IKZF1: variants seen among roughly 807,000 people sequenced by gnomAD.
The protein encoded by IKZF1 is IKAROS family zinc finger 1, also known as DNA-binding protein Ikaros.
In IKZF1, 10 loss-of-function variants were observed where a neutral mutation model predicts 51.7. The ratio of observed to expected loss-of-function variants is 0.19; its 90% CI spans 0.12 to 0.33. The LOEUF (loss-of-function observed/expected upper bound fraction) is 0.33. IKZF1 is among the 10% of genes least tolerant of loss of function. The probability of loss-of-function intolerance (pLI) is 1.00; values close to 1 mark genes in which losing one functional copy is unlikely to be tolerated. For missense variants in IKZF1, 484 were observed against 707.5 expected (o/e 0.68, Z 3.58); for synonymous variants, 280 against 282.3 (o/e 0.99, Z 0.08).
intron 3 of IKZF1, among the ~76,000 whole-genome samples, chr7:50,329,957 G>T (rs1018621960): frequency 6.6e-6 from 1 of 152,218 alleles, no homozygotes; most frequent in Admixed American, 6.5e-5. Context: ...AATAGCACAC[G>T]TGCCTTCAAA....
At chr7:50,342,275 A>G (rs1196151152) in intron 3 of IKZF1, among the ~76,000 whole-genome samples, 1 of 152,260 alleles carries the variant, frequency 6.6e-6, no homozygotes, top group Non-Finnish European at 1.5e-5. Flanking sequence ...TAACGAGAAT[A>G]CAACAACATG....
At chr7:50,342,083 T>C (rs1051423453) in intron 3 of IKZF1, among the ~76,000 whole-genome samples, 2 of 152,220 alleles carry the variant, frequency 1.3e-5, no homozygotes, top group African/African-American at 4.8e-5. Flanking sequence ...TTTCAAAACA[T>C]TTTCTCAGTG....
intron 3 of IKZF1, among the ~76,000 whole-genome samples, chr7:50,333,039 C>T (rs1796760939): frequency 6.6e-6 from 1 of 150,490 alleles, no homozygotes; most frequent in South Asian, 2.1e-4. Context: ...TTAGGTCCTT[C>T]ATGTTGAATA....
At position 50,354,464 on chromosome 7, in the gene IKZF1, G is replaced by C. The variant is rs145879021; in HGVS notation, c.161-22069G>C. Among the ~76,000 whole-genome samples the C allele has an allele frequency of 1.4e-3, 218 of 152,340 alleles. 1 individual carries two copies. Among genetic ancestry groups the C allele is most frequent in the Middle Eastern group, 0.014 (4 of 292 alleles). On this transcript the variant is annotated intron_variant, in intron 3 of 7. Coordinates refer to ENST00000331340, the MANE Select transcript of IKZF1 (RefSeq NM_006060.6). ...AGCAAGGGGCAGAGCTGGGGCGAGGGCTCTGGGTGCCCCCGTTATTGAACA... is the reference window on the plus strand; with the variant it reads ...AGCAAGGGGCAGAGCTGGGGCGAGGCCTCTGGGTGCCCCCGTTATTGAACA...
intron 3 of IKZF1, among the ~76,000 whole-genome samples, chr7:50,342,584 T>C (rs1314715192): frequency 6.6e-6 from 1 of 151,874 alleles, no homozygotes; most frequent in Non-Finnish European, 1.5e-5. Flanking sequence ...TGCCCCTTGA[T>C]ACTTCCTAAA....
At chr7:50,330,211 T>C (rs1276725793) in intron 3 of IKZF1, among the ~76,000 whole-genome samples, 2 of 152,208 alleles carry the variant, frequency 1.3e-5, no homozygotes, top group African/African-American at 2.4e-5. Context: ...TTCAGTCTAC[T>C]TTTCCTTCAG....
At chr7:50,349,812 T>C (rs1432652469) in intron 3 of IKZF1, among the ~76,000 whole-genome samples, 2 of 152,206 alleles carry the variant, frequency 1.3e-5, no homozygotes, top group African/African-American at 2.4e-5. Context: ...CCCTGTCACA[T>C]TGAGGGCATT....
intron 2 of IKZF1, among the ~76,000 whole-genome samples, chr7:50,319,414 A>G (rs1310927615): frequency 6.6e-6 from 1 of 152,226 alleles, no homozygotes; most frequent in Non-Finnish European, 1.5e-5. Context: ...ACACATGCCA[A>G]TGATGGTACT....
Position 50,401,722 on chromosome 7 carries a change from C to T in IKZF1, c.*1095C>T, listed in dbSNP as rs1818160244. Reference sequence around the variant, plus strand: ...GTGTTGGTAAGTTTCTTTACCTACCCTCACTATATATTATTCTCGTTTTAA... The same window carrying T: ...GTGTTGGTAAGTTTCTTTACCTACCTTCACTATATATTATTCTCGTTTTAA... On this transcript the variant is annotated 3_prime_UTR_variant, in exon 8 of 8. Transcript: ENST00000331340. The T allele has an allele frequency of 4.6e-6, 1 of 218,406 alleles. No individual in the cohort carries two copies. The highest frequency in any genetic ancestry group is 9.2e-6 in the Non-Finnish European group (1 of 108,786). 13.5% of individuals were successfully genotyped at this position (218,406 alleles called of 1,614,324 possible).
intron 3 of IKZF1, among the ~76,000 whole-genome samples, chr7:50,337,681 T>C (rs1316867859): frequency 5.9e-5 from 9 of 152,256 alleles, no homozygotes; most frequent in Admixed American, 2.0e-4. Context: ...TGAGGGCAAA[T>C]GGAGCATGTA....
At chr7:50,399,434 C>T (rs1382088029) in intron 7 of IKZF1, among the ~76,000 whole-genome samples, 2 of 150,784 alleles carry the variant, frequency 1.3e-5, no homozygotes, top group Non-Finnish European at 3.0e-5. Flanking sequence ...TAACATATCA[C>T]ATATTTTAAA....
At chr7:50,306,451 A>C (rs753310733) in intron 1 of IKZF1, among the ~76,000 whole-genome samples, 2 of 152,184 alleles carry the variant, frequency 1.3e-5, no homozygotes, top group Non-Finnish European at 2.9e-5. Flanking sequence ...GTACTTGTTT[A>C]ATTCATCAGT....
intron 3 of IKZF1, among the ~76,000 whole-genome samples, chr7:50,370,245 T>G (rs988540133): frequency 1.6e-4 from 24 of 152,188 alleles, no homozygotes; most frequent in African/African-American, 5.8e-4. Flanking sequence ...TACCAAACAT[T>G]TACTTTTTCA....
intron 4 of IKZF1, 83 bp from the exon 5 acceptor site, chr7:50,382,457 G>T: frequency 6.8e-7 from 1 of 1,474,888 alleles, no homozygotes; most frequent in Non-Finnish European, 9.1e-7. Context: ...CCAGGCCCCC[G>T]TGGGAAACAA....
chr7:50,354,653 G>A (rs1202567742), intron 3 of IKZF1, among the ~76,000 whole-genome samples: 4 of 152,108 alleles, frequency 2.6e-5, no homozygotes, highest in Non-Finnish European at 4.4e-5. Flanking sequence ...CCAAAATCCT[G>A]GAGTCACGGG....
chr7:50,374,796 C>T (rs76222288), intron 3 of IKZF1, among the ~76,000 whole-genome samples: 10,997 of 152,192 alleles, frequency 0.072, 547 homozygotes, highest in South Asian at 0.095. Flanking sequence ...GATCTCAGTG[C>T]TTTTAAATAG....
chr7:50,377,180 T>C (rs192148415), intron 4 of IKZF1: 1 of 186,780 alleles, frequency 5.4e-6, no homozygotes, highest in East Asian at 1.4e-4. Context: ...CTCCTCAAAG[T>C]TTCCACTGAG....
intron 1 of IKZF1, among the ~76,000 whole-genome samples, chr7:50,306,456 A>T (rs1319416285): frequency 6.6e-6 from 1 of 152,206 alleles, no homozygotes; most frequent in Non-Finnish European, 1.5e-5. Flanking sequence ...TGTTTAATTC[A>T]TCAGTGTTCT....
intron 3 of IKZF1, among the ~76,000 whole-genome samples, chr7:50,364,247 T>G (rs1479449332): frequency 2.0e-5 from 3 of 152,150 alleles, no homozygotes; most frequent in Non-Finnish European, 2.9e-5. Flanking sequence ...AAATGCAAAC[T>G]GAAAAGTGTG....
Sources: allele counts gnomAD v4.1 joint callset (sites outside exome capture counted in the v4.1 genomes callset), GRCh38; gene constraint gnomAD v4.1.1; transcripts MANE v1.5; gene names NCBI Gene and HGNC (gene_info 2026-07-23, HGNC 2026-07-21).